PRR5: variants seen among roughly 807,000 people sequenced by gnomAD.
The protein encoded by PRR5 is proline-rich protein 5.
PRR5 carries 25 observed loss-of-function variants against 30.6 expected under a neutral mutation model. The ratio of observed to expected loss-of-function variants is 0.82; its 90% CI spans 0.60 to 1.14. PRR5 has a LOEUF of 1.14. Ranked by LOEUF, PRR5 falls within the 50% of genes most tolerant of loss-of-function variation. The pLI is 0.00. For missense variants in PRR5, 600 were observed against 547.1 expected, an observed-to-expected ratio of 1.10 and a Z score of -0.96; for synonymous variants, 286 against 247.1, an observed-to-expected ratio of 1.16 and a Z score of -1.48.
At chr22:44,678,892 A>G (rs1924010556) in intron 1 of PRR5, among the ~76,000 whole-genome samples, 1 of 152,212 alleles carries the variant, frequency 6.6e-6, no homozygotes, top group South Asian at 2.1e-4. Flanking sequence ...CATTCGATGA[A>G]TTGAGAGCAC....
At chr22:44,701,886 G>A (rs1051007065), upstream of PRR5, among the ~76,000 whole-genome samples, 4 of 152,216 alleles carry the variant, frequency 2.6e-5, no homozygotes, top group East Asian at 1.9e-4. Context: ...CGGGGCCGGG[G>A]TCGAAGGACA....
chr22:44,702,543 G>GGCC lies in PRR5; in HGVS notation c.78_80dup (p.Ala27dup). Reference sequence around the variant, plus strand: ...TCAGTGACCTGGGCAAGAGAGAGCCGGCCGCCGCCGCGGACGAGCGGGGCA... The same window carrying GGCC: ...TCAGTGACCTGGGCAAGAGAGAGCCGGCCGCCGCCGCCGCGGACGAGCGGGGCA... On this transcript the variant is annotated inframe_insertion, in exon 1 of 8. Coordinates refer to ENST00000336985, the MANE Select transcript of PRR5 (RefSeq NM_181333.4). The GGCC allele has an allele frequency of 6.9e-7, 1 of 1,449,698 alleles. No individual in the cohort carries two copies. Among genetic ancestry groups the GGCC allele is most frequent in the Non-Finnish European group, 9.1e-7 (1 of 1,099,888 alleles). 89.8% of individuals were successfully genotyped at this position (1,449,698 alleles called of 1,614,324 possible).
chr22:44,688,985 T>A (rs1438498673), intron 1 of PRR5, among the ~76,000 whole-genome samples: 1 of 152,186 alleles, frequency 6.6e-6, no homozygotes, highest in Non-Finnish European at 1.5e-5. Flanking sequence ...TCTTATGTGT[T>A]ATAATATAAA....
At chr22:44,721,592 T>C (rs1388055120) in intron 2 of PRR5, among the ~76,000 whole-genome samples, 1 of 152,230 alleles carries the variant, frequency 6.6e-6, no homozygotes, top group Non-Finnish European at 1.5e-5. Flanking sequence ...CCTCCGGTCC[T>C]TTTGTTACTT....
Position 44,702,292 on chromosome 22 carries a change from C to T in PRR5, c.-183C>T. 8.7e-7 allele frequency: 1 copy of T among 1,148,302 alleles called. No individual in the cohort carries two copies. 71.1% of individuals were successfully genotyped at this position (1,148,302 alleles called of 1,614,324 possible). A position where few individuals can be genotyped will look rare whatever the true frequency, so the allele number is the denominator to read the frequency against. On this transcript the variant is annotated 5_prime_UTR_variant, in exon 1 of 8. Coordinates refer to ENST00000336985, the MANE Select transcript of PRR5 (RefSeq NM_181333.4). Reference sequence around the variant, plus strand: ...TGCAATGATTAACCCGGCGGGGCGGCCGGCGCGGGACCCGAGACGGAGGCG... The same window carrying T: ...TGCAATGATTAACCCGGCGGGGCGGTCGGCGCGGGACCCGAGACGGAGGCG...
intron 2 of PRR5, among the ~76,000 whole-genome samples, chr22:44,717,383 G>A (rs1411966682): frequency 6.6e-6 from 1 of 151,816 alleles, no homozygotes; most frequent in Non-Finnish European, 1.5e-5. Flanking sequence ...GTAGAGACGG[G>A]GTTTCACCAT....
upstream of PRR5, chr22:44,676,742 G>A (rs1923799690): frequency 6.6e-6 from 1 of 152,380 alleles, no homozygotes; most frequent in African/African-American, 2.4e-5. Flanking sequence ...GGCAGGGCAG[G>A]AATGAGCTGT....
chr22:44,714,725 G>T lies in PRR5; in HGVS notation c.215+54G>T. ...GTCCTTGAGTGGCAGGGAGGGCTAG[G>T]CCCAGAGTCGAAGGCCCCAGCCAGG... On this transcript the variant is annotated intron_variant, in intron 2 of 7. Transcript: ENST00000336985. The T allele has an allele frequency of 1.9e-6, 3 of 1,602,412 alleles. No homozygotes were observed. The South Asian group carries it at 3.3e-5, about 18-fold the overall frequency.
chr22:44,726,193 C>T (rs2147135222), intron 3 of PRR5, among the ~76,000 whole-genome samples: 1 of 152,306 alleles, frequency 6.6e-6, no homozygotes. Context: ...CGTCCAGGGT[C>T]CCTGAGGTAG....
intron 1 of PRR5, among the ~76,000 whole-genome samples, chr22:44,705,999 C>T (rs930780612): frequency 1.3e-5 from 2 of 152,092 alleles, no homozygotes; most frequent in East Asian, 1.9e-4. Flanking sequence ...AGGGTTTCAC[C>T]GTGTTGGCCA....
intron 4 of PRR5, chr22:44,731,316 C>T (rs1009203563): frequency 2.1e-5 from 6 of 283,242 alleles, no homozygotes; most frequent in Admixed American, 9.0e-5. Flanking sequence ...CTGTGTCAGG[C>T]GTACGTGTAG....
At chr22:44,703,079 C>T (rs913706180) in intron 1 of PRR5, among the ~76,000 whole-genome samples, 4 of 152,186 alleles carry the variant, frequency 2.6e-5, no homozygotes, top group Non-Finnish European at 5.9e-5. Flanking sequence ...TTGAGAGGCC[C>T]CCTGTCCTCC....
At chr22:44,735,864 A>G in intron 7 of PRR5, among the ~76,000 whole-genome samples, 1 of 152,134 alleles carries the variant, frequency 6.6e-6, no homozygotes, top group Non-Finnish European at 1.5e-5. Context: ...AAACCTGCCC[A>G]CTGGTGTGTC....
upstream of PRR5, among the ~76,000 whole-genome samples, chr22:44,674,385 C>A (rs998448917): frequency 1.3e-4 from 20 of 152,000 alleles, no homozygotes; most frequent in Admixed American, 5.9e-4. Context: ...CCTGTAACCC[C>A]AGCACTTTGG....
intron 1 of PRR5, 110 bp from the exon 2 acceptor site, chr22:44,714,481 G>C: frequency 6.8e-7 from 1 of 1,459,916 alleles, no homozygotes. Flanking sequence ...GTCCTGCAGG[G>C]ATGGCTATCC....
At chr22:44,725,190 C>T in intron 2 of PRR5, 54 bp from the exon 3 acceptor site, 1 of 1,605,664 alleles carries the variant, frequency 6.2e-7, no homozygotes, top group Non-Finnish European at 8.5e-7. Context: ...GTGGGTCCCC[C>T]ATGCCAGTGC....
chr22:44,725,283 G>T lies in PRR5; in HGVS notation c.255G>T (p.Glu85Asp). ...CAGAGCTGGGGTCCTTCTTCACGGA[G>T]TACCTGCAGGTAGGTGGGTCTTGCT... Reference protein sequence around the residue: ...LKTELGSFFTEYLQNQLLTKG... With the variant: ...LKTELGSFFTDYLQNQLLTKG... The change falls in exon 3 of 8, where the codon GAG becomes GAT. Residue 85 changes from glutamate (E) to aspartate (D), a missense_variant. By Grantham distance (45) the Glu-to-Asp change is conservative. Transcript: ENST00000336985. The T allele has an allele frequency of 4.3e-6, 7 of 1,613,568 alleles. No individual in the cohort carries two copies. Among genetic ancestry groups the T allele is most frequent in the Non-Finnish European group, 5.9e-6 (7 of 1,179,966 alleles).
chr22:44,675,460 C>T (rs979528799), upstream of PRR5, among the ~76,000 whole-genome samples: 1 of 152,122 alleles, frequency 6.6e-6, no homozygotes. Flanking sequence ...CCCAGGAGCT[C>T]GTGAGCAGTC....
chr22:44,716,196 C>T (rs1929026151), intron 2 of PRR5, among the ~76,000 whole-genome samples: 1 of 152,180 alleles, frequency 6.6e-6, no homozygotes, highest in South Asian at 2.1e-4. Context: ...CTCGTCAGCC[C>T]CAGGATTCTA....
Sources: allele counts gnomAD v4.1 joint callset (sites outside exome capture counted in the v4.1 genomes callset), GRCh38; gene constraint gnomAD v4.1.1; transcripts MANE v1.5; gene names NCBI Gene and HGNC (gene_info 2026-07-23, HGNC 2026-07-21).